RBFOX1: variants seen among roughly 807,000 people sequenced by gnomAD.
The protein encoded by RBFOX1 is RNA binding fox-1 homolog 1.
In RBFOX1, 8 loss-of-function variants were observed where a neutral mutation model predicts 57.7. That is an observed-to-expected ratio of 0.14 (90% CI 0.08 to 0.25). The LOEUF (loss-of-function observed/expected upper bound fraction) is 0.25, where lower values mean the gene tolerates loss of function less well. Ranked by LOEUF, RBFOX1 falls within the 10% of genes least tolerant of loss-of-function variation. The pLI is 1.00. For missense variants in RBFOX1, 611 were observed against 548.5 expected (o/e 1.11, Z -1.14); for synonymous variants, 326 against 222.4 (o/e 1.47, Z -4.15).
intron 3 of RBFOX1, among the ~76,000 whole-genome samples, chr16:5,829,906 A>C (rs1362634121): frequency 6.6e-6 from 1 of 152,110 alleles, no homozygotes; most frequent in African/African-American, 2.4e-5. Flanking sequence ...TTTTCCCCTT[A>C]GGTGACTTAC....
At chr16:6,238,031 C>T (rs564557286) in intron 1 of RBFOX1, among the ~76,000 whole-genome samples, 1 of 137,076 alleles carries the variant, frequency 7.3e-6, no homozygotes. Flanking sequence ...GCAGAGATTG[C>T]AGTAAGCTGA....
At chr16:7,296,712 G>A (rs1029048874) in intron 4 of RBFOX1, among the ~76,000 whole-genome samples, 7 of 152,270 alleles carry the variant, frequency 4.6e-5, no homozygotes, top group Admixed American at 1.3e-4. Flanking sequence ...ATGGATGTGG[G>A]CCATGCAACC....
chr16:5,702,097 C>G (rs575597563), intron 3 of RBFOX1, among the ~76,000 whole-genome samples: 6 of 152,242 alleles, frequency 3.9e-5, no homozygotes, highest in African/African-American at 1.4e-4. Context: ...GCTGGGAAGT[C>G]TTCTGTATTT....
chr16:7,648,077 C>T (rs1403390806), intron 11 of RBFOX1, among the ~76,000 whole-genome samples: 5 of 152,154 alleles, frequency 3.3e-5, no homozygotes, highest in African/African-American at 4.8e-5. Flanking sequence ...TTCTTCCACA[C>T]TGTGCTGGGT....
chr16:6,232,545 G>A (rs2097471690), intron 1 of RBFOX1, among the ~76,000 whole-genome samples: 1 of 152,068 alleles, frequency 6.6e-6, no homozygotes, highest in Non-Finnish European at 1.5e-5. Flanking sequence ...CCCTTAAATA[G>A]TCACTTTAAA....
At chr16:6,256,187 GTATATATA>G (rs1238561014) in intron 1 of RBFOX1, among the ~76,000 whole-genome samples, 4,478 of 9,718 alleles carry the variant, frequency 0.46, 589 homozygotes, top group South Asian at 0.57. Flanking sequence ...ATATATATAC[GTATATATA>G]TGTATATGTA....
At chr16:5,879,373 GA>G (rs1442138348) in intron 4 of RBFOX1, among the ~76,000 whole-genome samples, 2 of 152,194 alleles carry the variant, frequency 1.3e-5, no homozygotes, top group Non-Finnish European at 2.9e-5. Flanking sequence ...ATGTCCTAGA[GA>G]AAAGTGCTGA....
chr16:6,957,850 C>G (rs1452647083), intron 3 of RBFOX1, among the ~76,000 whole-genome samples: 1 of 152,164 alleles, frequency 6.6e-6, no homozygotes, highest in African/African-American at 2.4e-5. Flanking sequence ...CCTGGACTTC[C>G]TCCTAGCGTG....
At chr16:6,211,450 G>A (rs1036531138) in intron 1 of RBFOX1, among the ~76,000 whole-genome samples, 6 of 151,942 alleles carry the variant, frequency 3.9e-5, no homozygotes, top group African/African-American at 1.5e-4. Context: ...GGATGGTCTT[G>A]ATCTCCTGAC....
chr16:6,389,960 A>G (rs1483831060), intron 2 of RBFOX1, among the ~76,000 whole-genome samples: 2 of 152,310 alleles, frequency 1.3e-5, no homozygotes, highest in South Asian at 2.1e-4. Context: ...TGAAGTGTCC[A>G]GGAGTGAATG....
chr16:7,437,375 G>A (rs184025380), intron 4 of RBFOX1, among the ~76,000 whole-genome samples: 31 of 151,836 alleles, frequency 2.0e-4, no homozygotes, highest in Admixed American at 1.1e-3. Context: ...TACTTCCATC[G>A]CACAGTGAAT....
At chr16:6,685,217 C>G (rs973007395) in intron 3 of RBFOX1, among the ~76,000 whole-genome samples, 2 of 150,852 alleles carry the variant, frequency 1.3e-5, no homozygotes, top group African/African-American at 4.9e-5. Flanking sequence ...TGTTGTTAAT[C>G]ATTACACTGG....
At chr16:6,838,676 G>T (rs1056768043) in intron 3 of RBFOX1, among the ~76,000 whole-genome samples, 1 of 152,138 alleles carries the variant, frequency 6.6e-6, no homozygotes, top group Non-Finnish European at 1.5e-5. Context: ...GGGCAAAGCC[G>T]ATAACCTTCC....
chr16:7,675,634 C>T (rs889639325), intron 13 of RBFOX1, among the ~76,000 whole-genome samples: 1 of 152,190 alleles, frequency 6.6e-6, no homozygotes, highest in East Asian at 1.9e-4. Flanking sequence ...CTTTTTGTAG[C>T]TTCCCTGCTT....
chr16:5,569,143 C>A (rs895856653), intron 2 of RBFOX1, among the ~76,000 whole-genome samples: 5 of 152,104 alleles, frequency 3.3e-5, no homozygotes, highest in Non-Finnish European at 5.9e-5. Context: ...AGCCACCATG[C>A]CCGGCTGACA....
intron 3 of RBFOX1, among the ~76,000 whole-genome samples, chr16:5,702,712 G>A (rs1427438310): frequency 7.2e-5 from 11 of 152,210 alleles, no homozygotes; most frequent in Non-Finnish European, 1.6e-4. Context: ...GGGGTTCATA[G>A]TGGTGTTGAC....
At chr16:5,684,296 T>C (rs1038630543) in intron 3 of RBFOX1, among the ~76,000 whole-genome samples, 4 of 152,114 alleles carry the variant, frequency 2.6e-5, no homozygotes, top group African/African-American at 9.7e-5. Context: ...TAATAGGATA[T>C]ATATCTATAT....
At chr16:6,438,526 G>T (rs2055419633) in intron 2 of RBFOX1, among the ~76,000 whole-genome samples, 1 of 152,192 alleles carries the variant, frequency 6.6e-6, no homozygotes, top group African/African-American at 2.4e-5. Flanking sequence ...GTTTGGTAGT[G>T]GACTGGGATC....
intron 3 of RBFOX1, among the ~76,000 whole-genome samples, chr16:6,708,321 A>G (rs957434264): frequency 6.6e-5 from 10 of 150,732 alleles, no homozygotes; most frequent in Non-Finnish European, 1.5e-4. Flanking sequence ...CTCATTCACA[A>G]AAATCACTGT....
Sources: gnomAD v4.1 joint callset for allele counts (sites outside exome capture counted in the v4.1 genomes callset) on GRCh38, gnomAD v4.1.1 for gene constraint, MANE v1.5 for transcripts, NCBI Gene and HGNC (gene_info 2026-07-23, HGNC 2026-07-21) for gene names.